AGMO: variants seen among roughly 807,000 people sequenced by gnomAD.
AGMO encodes glyceryl-ether monooxygenase.
Under a neutral mutation model 60.2 loss-of-function variants are expected in AGMO, and 75 were observed. That is an observed-to-expected ratio of 1.25 (90% CI 1.03 to 1.51). AGMO has a LOEUF of 1.51. AGMO is among the 40% of genes most tolerant of loss of function. AGMO has a pLI of 0.00. For missense variants in AGMO, 763 were observed against 525.5 expected (o/e 1.45, Z -4.42); for synonymous variants, 261 against 177.1 (o/e 1.47, Z -3.76).
chr7:15,479,902 A>ATGTGCCC (rs1782705354), intron 3 of AGMO, among the ~76,000 whole-genome samples: 1 of 152,178 alleles, frequency 6.6e-6, no homozygotes, highest in Non-Finnish European at 1.5e-5. Context: ...ATTAGGAAGG[A>ATGTGCCC]TGTGCCCGTA....
the AGMO span, among the ~76,000 whole-genome samples, chr7:15,131,847 G>C: frequency 6.6e-6 from 1 of 151,746 alleles, no homozygotes; most frequent in African/African-American, 2.4e-5. Flanking sequence ...CAGCTGGGTA[G>C]AGCAAGCTGC....
rs1281522431 is a variant in AGMO, at chr7:15,322,566, A to G, written c.1263+42948T>C. ...TATATAAATATATATAAATATATAA[A>G]TATATATAAATATATATAAATATAT... On this transcript the variant is annotated intron_variant, in intron 12 of 12. Transcript: ENST00000342526. Among the ~76,000 whole-genome samples, 242 of 41,534 alleles carry G rather than the reference A, an allele frequency of 5.8e-3. 13 individuals carry two copies. The highest frequency in any genetic ancestry group is 0.033 in the African/African-American group (227 of 6,848). The allele number at this position is 41,534 out of a possible 152,430, so 27.2% of individuals were successfully genotyped here. A position where few individuals can be genotyped will look rare whatever the true frequency, so the allele number is the denominator to read the frequency against.
chr7:15,187,036 T>C, the AGMO span, among the ~76,000 whole-genome samples: 1 of 152,214 alleles, frequency 6.6e-6, no homozygotes, highest in Non-Finnish European at 1.5e-5. Flanking sequence ...CTGCTAGCCA[T>C]GTAAATGGTT....
chr7:15,120,658 C>T, the AGMO span, among the ~76,000 whole-genome samples: 6 of 152,052 alleles, frequency 3.9e-5, no homozygotes, highest in African/African-American at 9.7e-5. Context: ...AACTTGGACT[C>T]CCCACCCTCC....
chr7:15,345,773 C>G (rs1782011754), intron 12 of AGMO, among the ~76,000 whole-genome samples: 1 of 152,164 alleles, frequency 6.6e-6, no homozygotes, highest in African/African-American at 2.4e-5. Flanking sequence ...ACTTACTTAT[C>G]TATATTCACC....
At chr7:15,310,412 T>A (rs1780736189) in intron 12 of AGMO, among the ~76,000 whole-genome samples, 1 of 152,116 alleles carries the variant, frequency 6.6e-6, no homozygotes, top group Non-Finnish European at 1.5e-5. Flanking sequence ...TTGGTTTCCA[T>A]TTGGAAAATT....
chr7:15,307,308 G>A (rs1292510583), intron 12 of AGMO, among the ~76,000 whole-genome samples: 1 of 151,852 alleles, frequency 6.6e-6, no homozygotes, highest in African/African-American at 2.4e-5. Flanking sequence ...AAGAAACCTT[G>A]AATCACCAAT....
At chr7:15,450,416 T>C (rs558198869) in intron 3 of AGMO, among the ~76,000 whole-genome samples, 54 of 144,116 alleles carry the variant, frequency 3.7e-4, no homozygotes, top group African/African-American at 1.4e-3. Flanking sequence ...CGAGTCTCCA[T>C]CTCAAAAAAA....
At chr7:15,506,527 A>G (rs551801800) in intron 3 of AGMO, among the ~76,000 whole-genome samples, 1 of 152,128 alleles carries the variant, frequency 6.6e-6, no homozygotes, top group South Asian at 2.1e-4. Flanking sequence ...CTCATACTAT[A>G]TGTGTGTTTA....
At position 15,315,997 on chromosome 7, in the gene AGMO, G is replaced by A. The variant is rs575492417; in HGVS notation, c.1263+49517C>T. 5.9e-5 allele frequency among the ~76,000 whole-genome samples: 9 copies of A among 152,126 alleles called. 1 individual carries two copies. The South Asian group carries it at 1.7e-3, about 28-fold the overall frequency. On this transcript the variant is annotated intron_variant, in intron 12 of 12. Transcript: ENST00000342526. ...TGATGTTTTAAGAAGCAGTACTTTT[G>A]AGAGATATTATTAGAGGTAATATTA...
chr7:15,235,005 A>G (rs1782374040), intron 12 of AGMO, among the ~76,000 whole-genome samples: 1 of 152,074 alleles, frequency 6.6e-6, no homozygotes, highest in South Asian at 2.1e-4. Flanking sequence ...ATGCTAAGAT[A>G]CTTGCAGTTC....
intron 4 of AGMO, among the ~76,000 whole-genome samples, chr7:15,422,918 G>C (rs1780964591): frequency 6.6e-6 from 1 of 152,116 alleles, no homozygotes; most frequent in Non-Finnish European, 1.5e-5. Flanking sequence ...ATGGAAACTA[G>C]GCTTCTTAGT....
the AGMO span, among the ~76,000 whole-genome samples, chr7:15,140,984 C>A: frequency 2.0e-5 from 3 of 152,116 alleles, no homozygotes; most frequent in Non-Finnish European, 4.4e-5. Context: ...TAGTCAACGA[C>A]CTTTCAGAGT....
chr7:15,168,008 G>C, the AGMO span, among the ~76,000 whole-genome samples: 1 of 152,184 alleles, frequency 6.6e-6, no homozygotes, highest in Non-Finnish European at 1.5e-5. Flanking sequence ...TCCTAGCAAT[G>C]GTGCAGAGGC....
intron 12 of AGMO, among the ~76,000 whole-genome samples, chr7:15,283,607 A>T (rs1784025939): frequency 6.6e-6 from 1 of 152,084 alleles, no homozygotes; most frequent in South Asian, 2.1e-4. Flanking sequence ...GACCTAAAAA[A>T]TGAGATGAAT....
intron 12 of AGMO, among the ~76,000 whole-genome samples, chr7:15,277,465 T>A (rs564110938): frequency 1.3e-5 from 2 of 152,204 alleles, no homozygotes; most frequent in Admixed American, 6.5e-5. Flanking sequence ...AGAATTCTTA[T>A]GCTGATCCCT....
At chr7:15,559,719 GT>G (rs1785249015) in intron 2 of AGMO, among the ~76,000 whole-genome samples, 1 of 152,004 alleles carries the variant, frequency 6.6e-6, no homozygotes, top group African/African-American at 2.4e-5. Context: ...TGCAAACGGG[GT>G]TGTACTAGAG....
At chr7:15,215,557 G>T (rs1781712195) in intron 12 of AGMO, among the ~76,000 whole-genome samples, 1 of 151,922 alleles carries the variant, frequency 6.6e-6, no homozygotes, top group African/African-American at 2.4e-5. Context: ...ACTGCAAAAT[G>T]AAGGGGGTCT....
chr7:15,182,656 A>ACC, the AGMO span, among the ~76,000 whole-genome samples: 3 of 152,124 alleles, frequency 2.0e-5, no homozygotes, highest in East Asian at 5.8e-4. Flanking sequence ...AGCTCAAGTG[A>ACC]CCCACCTGTC....
Sources: allele counts gnomAD v4.1 joint callset (sites outside exome capture counted in the v4.1 genomes callset), GRCh38; gene constraint gnomAD v4.1.1; transcripts MANE v1.5; gene names NCBI Gene and HGNC (gene_info 2026-07-23, HGNC 2026-07-21).